Variants in VAC14 observed in about 807,000 individuals in gnomAD.
The protein encoded by VAC14 is VAC14 component of PIKFYVE complex.
In VAC14, 47 loss-of-function variants were observed where a neutral mutation model predicts 85.3. That is an observed-to-expected ratio of 0.55 (90% confidence interval 0.44 to 0.70). VAC14 has a LOEUF of 0.70. VAC14 is among the 30% of genes least tolerant of loss of function. The pLI is 0.00. For synonymous variants in VAC14, 447 were observed against 430.5 expected, an observed-to-expected ratio of 1.04 and a Z score of -0.47; for missense variants, 861 against 1,004.3, an observed-to-expected ratio of 0.86 and a Z score of 1.93.
At chr16:70,772,834 T>G (rs2033313100) in intron 9 of VAC14, 1 of 152,188 alleles carries the variant, frequency 6.6e-6, no homozygotes, top group Non-Finnish European at 1.5e-5. Context: ...CCCAAATATC[T>G]ATCAACAGAT....
intron 8 of VAC14, 82 bp downstream of exon 8, chr16:70,781,787 C>T: frequency 6.5e-7 from 1 of 1,548,742 alleles, no homozygotes; most frequent in Non-Finnish European, 8.8e-7. Flanking sequence ...TAAGAGAGCC[C>T]CCAGCCCCCA....
intron 10 of VAC14, chr16:70,766,517 A>C: frequency 2.2e-6 from 1 of 456,804 alleles, no homozygotes; most frequent in Non-Finnish European, 4.4e-6. Context: ...TGCCGCACTC[A>C]ACCCAGAACC....
At chr16:70,712,495 G>A (rs985248970) in intron 14 of VAC14, among the ~76,000 whole-genome samples, 5 of 152,188 alleles carry the variant, frequency 3.3e-5, no homozygotes, top group Admixed American at 2.6e-4. Flanking sequence ...GCTCAGGCTG[G>A]GAGCGTAGAG....
chr16:70,780,756 C>T (rs1567599737), intron 9 of VAC14, 34 bp downstream of exon 9: 1 of 1,539,106 alleles, frequency 6.5e-7, no homozygotes, highest in Non-Finnish European at 8.8e-7. Flanking sequence ...GGGCCCCCGA[C>T]AGGAGGTGAG....
intron 18 of VAC14, chr16:70,688,436 A>T (rs1295919634): frequency 2.0e-6 from 2 of 1,006,342 alleles, no homozygotes; most frequent in Admixed American, 1.2e-4. Context: ...CCAGCCAGGA[A>T]GCCAGCTGGG....
chr16:70,786,889 G>A (rs539006530), intron 1 of VAC14, among the ~76,000 whole-genome samples: 67 of 152,326 alleles, frequency 4.4e-4, no homozygotes, highest in African/African-American at 1.4e-3. Context: ...TCCTCGGGCC[G>A]TCCAGGAGGG....
chr16:70,714,251 C>G (rs1236548777), intron 14 of VAC14: 1 of 152,216 alleles, frequency 6.6e-6, no homozygotes, highest in South Asian at 2.1e-4. Flanking sequence ...TCCATCATCT[C>G]TCTCCCCTGA....
At chr16:70,794,588 G>C (rs944533368) in intron 1 of VAC14, among the ~76,000 whole-genome samples, 1 of 152,222 alleles carries the variant, frequency 6.6e-6, no homozygotes, top group African/African-American at 2.4e-5. Flanking sequence ...AGCTCCCGAC[G>C]ATTTGCTTTG....
intron 18 of VAC14, chr16:70,689,171 T>C: frequency 1.0e-6 from 1 of 976,302 alleles, no homozygotes; most frequent in Non-Finnish European, 1.2e-6. Flanking sequence ...CATGTGACTG[T>C]TTCCTCATCT....
At position 70,728,137 on chromosome 16, in the gene VAC14, G is replaced by A. The variant is rs147056742; in HGVS notation, c.1661+3358C>T. Among the ~76,000 whole-genome samples the A allele has an allele frequency of 1.8e-4, 28 of 152,284 alleles. No individual in the cohort carries two copies. The East Asian group carries it at 5.0e-3, about 27-fold the overall frequency. ...GCTGTGCGGGTGGGAGTGAGGCCTG[G>A]AGGCCAGCCTCAATTTCCACTGAGA... On this transcript the variant is annotated intron_variant, in intron 14 of 18. Coordinates refer to ENST00000261776, the MANE Select transcript of VAC14 (RefSeq NM_018052.5).
intron 18 of VAC14, chr16:70,688,891 C>T (rs2053547224): frequency 1.0e-6 from 1 of 985,538 alleles, no homozygotes; most frequent in Non-Finnish European, 1.2e-6. Context: ...GTTCTGCTCC[C>T]TCCCTTTGGC....
In VAC14 at chr16:70,800,864, T is replaced by C. The variant is rs1422286639; in HGVS notation, c.37A>G (p.Asn13Asp). ...TTGTCATTGAGGGCGCGCACGATGTTAGGCGTGAGCGGCGCGAAATCCTTC... is the reference window on the plus strand; with the variant it reads ...TTGTCATTGAGGGCGCGCACGATGTCAGGCGTGAGCGGCGCGAAATCCTTC... ...PEKDFAPLTP[N>D]IVRALNDKLY... Residue 13 changes from asparagine to aspartate, a missense_variant, in exon 1 of 19, where the codon AAC becomes GAC. By Grantham distance (23) the Asn-to-Asp change is conservative (BLOSUM62 1). Coordinates refer to ENST00000261776, the MANE Select transcript of VAC14 (RefSeq NM_018052.5). 2 of 1,607,148 alleles carry C rather than the reference T, an allele frequency of 1.2e-6. No individual in the cohort carries two copies. Among genetic ancestry groups the C allele is most frequent in the Non-Finnish European group, 1.7e-6 (2 of 1,176,790 alleles).
chr16:70,784,695 C>T, intron 4 of VAC14, 81 bp downstream of exon 4: 8 of 1,303,332 alleles, frequency 6.1e-6, no homozygotes, highest in Non-Finnish European at 6.7e-6. Flanking sequence ...AAGAACATTC[C>T]CAATGACAGA....
intron 1 of VAC14, among the ~76,000 whole-genome samples, chr16:70,788,680 A>G (rs1023515622): frequency 2.6e-5 from 4 of 152,224 alleles, no homozygotes; most frequent in African/African-American, 7.2e-5. Context: ...CAGATGCTCT[A>G]CCAAACAGCT....
At chr16:70,711,194 C>T (rs1027104256) in intron 14 of VAC14, among the ~76,000 whole-genome samples, 1 of 152,244 alleles carries the variant, frequency 6.6e-6, no homozygotes, top group Non-Finnish European at 1.5e-5. Context: ...CGGGCCTCAC[C>T]TCCAGGAGGT....
chr16:70,711,239 G>A (rs2054027573), intron 14 of VAC14, among the ~76,000 whole-genome samples: 1 of 152,226 alleles, frequency 6.6e-6, no homozygotes, highest in Non-Finnish European at 1.5e-5. Context: ...TTCCGGGGCG[G>A]CCAGAGACCT....
At chr16:70,698,519 T>C in intron 15 of VAC14, 118 bp downstream of exon 15, 1 of 1,306,454 alleles carries the variant, frequency 7.7e-7, no homozygotes, top group Non-Finnish European at 1.1e-6. Flanking sequence ...GAAGTCTCGA[T>C]TTCAACCCCG....
At chr16:70,727,825 G>T (rs72792874) in intron 14 of VAC14, among the ~76,000 whole-genome samples, 9,512 of 152,310 alleles carry the variant, frequency 0.062, 430 homozygotes, top group South Asian at 0.17. Flanking sequence ...TGCTGTGTGT[G>T]CCCCCAGACT....
At chr16:70,699,230 A>C in intron 14 of VAC14, 1 of 197,758 alleles carries the variant, frequency 5.1e-6, no homozygotes, top group Non-Finnish European at 1.1e-5. Context: ...ACTCATCTTC[A>C]TCCAGCCAAT....
Sources: allele counts gnomAD v4.1 joint callset (sites outside exome capture counted in the v4.1 genomes callset), GRCh38; gene constraint gnomAD v4.1.1; transcripts MANE v1.5; gene names NCBI Gene and HGNC (gene_info 2026-07-23, HGNC 2026-07-21).